The following ITGAM variants were observed in gnomAD, a reference collection of about 807,000 sequenced individuals.
ITGAM encodes integrin alpha-M.
In ITGAM, 79 loss-of-function variants were observed where a neutral mutation model predicts 137.5. The ratio of observed to expected loss-of-function variants is 0.57; its 90% CI spans 0.48 to 0.69. ITGAM has a LOEUF of 0.69. Ranked by LOEUF, ITGAM falls within the 30% of genes least tolerant of loss-of-function variation. The pLI is 0.00. For synonymous variants in ITGAM, 583 were observed against 592.3 expected, an observed-to-expected ratio of 0.98 and a Z score of 0.23; for missense variants, 1,343 against 1,483.5, an observed-to-expected ratio of 0.91 and a Z score of 1.56.
chr16:31,302,104 A>G (rs1049521623), intron 14 of ITGAM, among the ~76,000 whole-genome samples: 10 of 152,216 alleles, frequency 6.6e-5, no homozygotes, highest in African/African-American at 2.2e-4. Context: ...TGTTGTAGCT[A>G]CCGTCTTTTC....
chr16:31,294,999 T>C (rs9928749), intron 12 of ITGAM, among the ~76,000 whole-genome samples: 38,319 of 152,114 alleles, frequency 0.25, 7,937 homozygotes, highest in African/African-American at 0.57. Flanking sequence ...CCTTTGCATA[T>C]TCTTGGCACC....
At position 31,324,778 on chromosome 16, in the gene ITGAM, C is replaced by T. The variant is rs1490682708; in HGVS notation, c.2285C>T (p.Ala762Val). 6.4e-7 allele frequency: 1 copy of T among 1,558,132 alleles called. No individual in the cohort carries two copies. Among genetic ancestry groups the T allele is most frequent in the African/African-American group, 1.4e-5 (1 of 72,970 alleles). ...GAGGATGCTCAGAGACTCTTCACAG[C>T]CTTGGTGAGTCCAGAGTTGGGGTCC... The part of the protein sequence containing the change: ...LAEDAQRLFT[A>V]LFPFEKNCGN... Residue 762 changes from alanine to valine, a missense_variant, in exon 18 of 30, where the codon GCC becomes GTC. Coordinates refer to ENST00000544665, the MANE Select transcript of ITGAM (RefSeq NM_000632.4). This position sits in a 1 kb window ranked among gnomAD's most constrained non-coding sequence, Gnocchi z 4.5.
chr16:31,266,955 C>T (rs535335702), intron 5 of ITGAM, among the ~76,000 whole-genome samples: 114 of 151,898 alleles, frequency 7.5e-4, no homozygotes, highest in Non-Finnish European at 1.4e-3. Flanking sequence ...GCAACCTCTG[C>T]CTCCCAGGTT....
At chr16:31,270,377 C>CCAGCG (rs1219006765) in intron 5 of ITGAM, among the ~76,000 whole-genome samples, 1 of 151,952 alleles carries the variant, frequency 6.6e-6, no homozygotes, top group Non-Finnish European at 1.5e-5. Context: ...GCTGGGATTA[C>CCAGCG]AGGTGTGAGC....
intron 1 of ITGAM, among the ~76,000 whole-genome samples, chr16:31,261,198 CTTTT>C (rs1017498448): frequency 4.1e-5 from 5 of 123,230 alleles, no homozygotes; most frequent in African/African-American, 2.9e-5. Flanking sequence ...ATGCTGCTAT[CTTTT>C]TTTTTTTTTT....
intron 14 of ITGAM, among the ~76,000 whole-genome samples, chr16:31,319,888 C>T (rs2144475444): frequency 6.6e-6 from 1 of 152,124 alleles, no homozygotes; most frequent in African/African-American, 2.4e-5. Flanking sequence ...TCTCGGCTCA[C>T]TGCAAGCTCC....
chr16:31,273,729 G>T (rs2079877244), intron 8 of ITGAM: 1 of 464,736 alleles, frequency 2.2e-6, no homozygotes, highest in East Asian at 4.0e-5. Flanking sequence ...AAGCCTGTGG[G>T]TCAGCCTGCC....
chr16:31,327,867 T>C (rs1597041400), intron 22 of ITGAM, among the ~76,000 whole-genome samples: 1 of 152,118 alleles, frequency 6.6e-6, no homozygotes, highest in African/African-American at 2.4e-5. Flanking sequence ...GACATAATCA[T>C]ATTTGCATGT....
At chr16:31,280,204 T>A (rs1167335804) in intron 12 of ITGAM, among the ~76,000 whole-genome samples, 2 of 152,228 alleles carry the variant, frequency 1.3e-5, no homozygotes, top group African/African-American at 4.8e-5. Flanking sequence ...GGCTTAGGAT[T>A]GACTTGGCAA....
rs914358511 is a variant in ITGAM, at chr16:31,331,810, C to T, written c.*103C>T. 5 of 876,400 alleles carry T rather than the reference C, an allele frequency of 5.7e-6. No homozygotes were observed. Among genetic ancestry groups the T allele is most frequent in the East Asian group, 5.3e-5 (2 of 37,384 alleles). The allele number at this position is 876,400 out of a possible 1,614,324, so 54.3% of individuals were successfully genotyped here. ...GACACGTCGGACAGCGAAGTATCCC[C>T]GACAGGACGGGCTTGGGCTTCCATT... On this transcript the variant is annotated 3_prime_UTR_variant, in exon 30 of 30. Transcript: ENST00000544665.
chr16:31,261,199 T>TC (rs2079695448), intron 1 of ITGAM, among the ~76,000 whole-genome samples: 1 of 112,236 alleles, frequency 8.9e-6, no homozygotes, highest in Admixed American at 8.1e-5. Context: ...TGCTGCTATC[T>TC]TTTTTTTTTT....
At position 31,331,688 on chromosome 16, in the gene ITGAM, C is replaced by T. The variant is rs776413889; in HGVS notation, c.3440C>T (p.Pro1147Leu). Residue 1147 changes from proline (P) to leucine (L), a missense_variant, in exon 30 of 30, where the codon CCG becomes CTG. By Grantham distance (98) the Pro-to-Leu change is moderately conservative. Coordinates refer to ENST00000544665, the MANE Select transcript of ITGAM (RefSeq NM_000632.4). The part of the protein sequence containing the change: ...YKDMMSEGGP[P>L]GAEPQ Reference sequence around the variant, plus strand: ...GACATGATGAGTGAAGGGGGTCCCCCGGGGGCCGAACCCCAGTAGCGGCTC... The same window carrying T: ...GACATGATGAGTGAAGGGGGTCCCCTGGGGGCCGAACCCCAGTAGCGGCTC... The T allele has an allele frequency of 1.4e-5, 22 of 1,607,456 alleles. No homozygotes were observed. Among genetic ancestry groups the T allele is most frequent in the Admixed American group, 1.7e-5 (1 of 59,166 alleles).
chr16:31,329,177 CA>C lies in ITGAM; in HGVS notation c.2793-50del. On this transcript the variant is annotated intron_variant, in intron 23 of 29. Coordinates refer to ENST00000544665, the MANE Select transcript of ITGAM (RefSeq NM_000632.4). ...ACACACTTAGCCTGAGACACCCTCC[CA>C]GGGCACCCCTCATGTTTTGTCACCT... The C allele has an allele frequency of 4.7e-6, 6 of 1,278,216 alleles. No homozygotes were observed. In the Middle Eastern group the frequency reaches 5.5e-4, roughly 117 times the overall value. The allele number at this position is 1,278,216 out of a possible 1,614,324, so 79.2% of individuals were successfully genotyped here. A position where few individuals can be genotyped will look rare whatever the true frequency, so the allele number is the denominator to read the frequency against.
chr16:31,319,818 CT>C (rs563805517), intron 14 of ITGAM, among the ~76,000 whole-genome samples: 137 of 145,320 alleles, frequency 9.4e-4, no homozygotes, highest in Admixed American at 2.8e-3. Context: ...TCTTTTTGTA[CT>C]TTTTTTTTTT....
intron 4 of ITGAM, 48 bp downstream of exon 4, chr16:31,265,929 G>T (rs758904109): frequency 1.4e-5 from 23 of 1,599,078 alleles, no homozygotes; most frequent in Non-Finnish European, 1.9e-5. Flanking sequence ...GTGTTTGGGG[G>T]CCCACGCATG....
intron 12 of ITGAM, among the ~76,000 whole-genome samples, chr16:31,281,179 C>CT (rs1192499582): frequency 2.0e-5 from 3 of 151,858 alleles, no homozygotes; most frequent in Admixed American, 6.6e-5. Flanking sequence ...CTAAAATTCT[C>CT]TTTTTTTTGT....
rs760759749 is a variant in ITGAM, at chr16:31,265,517, G to C, written c.238+19G>C. On this transcript the variant is annotated intron_variant, in intron 3 of 29. Transcript: ENST00000544665. ...CTGCAGGGTGAGTCACTGCCCCGCC[G>C]GGCTGGGACTGGGATTCCCCTGTGA... is the stretch of plus-strand genomic sequence containing the variant. 1.5e-5 allele frequency: 23 copies of C among 1,522,434 alleles called. No individual in the cohort carries two copies. The Middle Eastern group carries it at 2.1e-3, about 136-fold the overall frequency. 94.3% of individuals were successfully genotyped at this position (1,522,434 alleles called of 1,614,324 possible).
intron 29 of ITGAM, 101 bp from the exon 30 acceptor site, chr16:31,331,535 T>A (rs892309449): frequency 4.9e-6 from 2 of 405,332 alleles, no homozygotes; most frequent in African/African-American, 5.8e-5. Context: ...CCCTCCTGGG[T>A]CCCTTCTGTC....
chr16:31,297,942 C>T lies in ITGAM; in HGVS notation c.1695C>T (p.Pro565=), dbSNP rs764266259. 64 of 1,613,526 alleles carry T rather than the reference C, an allele frequency of 4.0e-5. No homozygotes were observed. Among genetic ancestry groups the T allele is most frequent in the Non-Finnish European group, 5.4e-5 (64 of 1,179,746 alleles). The change falls in exon 14 of 30, where the codon CCC becomes CCT. Residue 565 remains proline (P), a synonymous_variant. Coordinates refer to ENST00000544665, the MANE Select transcript of ITGAM (RefSeq NM_000632.4). ...FHGTSGSGIS[P]SHSQRIAGSK... ...GAACCTCAGGATCTGGCATCAGCCC[C>T]TCCCATAGCCAGGTGAGACCTGGTC...
Sources: gnomAD v4.1 joint callset for allele counts (sites outside exome capture counted in the v4.1 genomes callset) on GRCh38, gnomAD v4.1.1 for gene constraint, Gnocchi (gnomAD v3.1) non-coding constraint, MANE v1.5 for transcripts, NCBI Gene and HGNC (gene_info 2026-07-23, HGNC 2026-07-21) for gene names.